The following FBLN2 variants were observed in gnomAD, a reference collection of about 807,000 sequenced individuals.
The protein encoded by FBLN2 is fibulin 2.
A neutral mutation model predicts 123.7 loss-of-function variants in FBLN2; 81 were observed. That is an observed-to-expected ratio of 0.65 (90% CI 0.55 to 0.79). FBLN2 has a LOEUF of 0.79. Among genes scored for constraint, FBLN2 ranks in the 30% least tolerant of loss-of-function variants. The probability of loss-of-function intolerance (pLI) is 0.00; values close to 1 mark genes in which losing one functional copy is unlikely to be tolerated. For missense variants in FBLN2, 1,603 were observed against 1,681.3 expected, an observed-to-expected ratio of 0.95 and a Z score of 0.81; for synonymous variants, 699 against 701.4, an observed-to-expected ratio of 1.00 and a Z score of 0.05.
intron 5 of FBLN2, 44 bp from the exon 6 acceptor site, chr3:13,618,032 T>C (rs1227904600): frequency 6.3e-7 from 1 of 1,592,544 alleles, no homozygotes; most frequent in East Asian, 2.2e-5. Flanking sequence ...AGCCACCTAC[T>C]CTGACCAAGC....
intron 2 of FBLN2, among the ~76,000 whole-genome samples, chr3:13,576,338 C>T (rs989540631): frequency 2.0e-5 from 3 of 152,236 alleles, no homozygotes; most frequent in Non-Finnish European, 4.4e-5. Context: ...CTCTCTTCCT[C>T]ACAGCCCCCA....
At chr3:13,610,480 G>A (rs762161170) in intron 4 of FBLN2, among the ~76,000 whole-genome samples, 9 of 152,204 alleles carry the variant, frequency 5.9e-5, no homozygotes, top group Admixed American at 2.0e-4. Context: ...AGGCGAGGAC[G>A]TTGGGAAATG....
chr3:13,614,048 A>T lies in FBLN2; in HGVS notation c.1613A>T (p.Asn538Ile), dbSNP rs201093973. Residue 538 changes from asparagine (N) to isoleucine (I), a missense_variant, in exon 5 of 18, where the codon AAT (asparagine) becomes ATT (isoleucine). Coordinates refer to ENST00000404922, the MANE Select transcript of FBLN2 (RefSeq NM_001004019.2). Reference protein sequence around the residue: ...VRAEGQSCESNPNLGYPCNHV... With the variant: ...VRAEGQSCESIPNLGYPCNHV... ...GCCGAGGGCCAGTCGTGTGAGTCCA[A>T]TCCTAACCTGGGCTATCCCTGCAAT... The T allele has an allele frequency of 1.9e-6, 3 of 1,613,580 alleles. No homozygotes were observed. Among genetic ancestry groups the T allele is most frequent in the African/African-American group, 2.7e-5 (2 of 74,922 alleles).
At chr3:13,608,968 C>T (rs934449193) in intron 3 of FBLN2, among the ~76,000 whole-genome samples, 2 of 152,282 alleles carry the variant, frequency 1.3e-5, no homozygotes, top group Non-Finnish European at 2.9e-5. Flanking sequence ...GCATGCAGCA[C>T]TGGGACCCCT....
intron 11 of FBLN2, among the ~76,000 whole-genome samples, 194 bp from the exon 12 acceptor site, chr3:13,628,711 C>T (rs1706135523): frequency 6.6e-6 from 1 of 152,168 alleles, no homozygotes; most frequent in Non-Finnish European, 1.5e-5. Flanking sequence ...TAGGGCCAGC[C>T]ATCAGGTGCT....
intron 2 of FBLN2, among the ~76,000 whole-genome samples, chr3:13,607,810 A>G (rs1705257282): frequency 6.6e-6 from 1 of 152,044 alleles, no homozygotes; most frequent in East Asian, 1.9e-4. Context: ...CTGCTTTGAG[A>G]GTGGGGGCTG....
intron 4 of FBLN2, among the ~76,000 whole-genome samples, chr3:13,610,534 C>T (rs1013945118): frequency 1.4e-4 from 21 of 152,026 alleles, no homozygotes; most frequent in Admixed American, 9.2e-4. Context: ...GACAGGCCAC[C>T]GGGAGTCCTC....
chr3:13,554,507 C>T (rs902044123), intron 1 of FBLN2, among the ~76,000 whole-genome samples: 28 of 151,866 alleles, frequency 1.8e-4, no homozygotes, highest in African/African-American at 6.5e-4. Flanking sequence ...CATGCATGCG[C>T]GTGCCCACAC....
Position 13,621,782 on chromosome 3 carries a change from C to T in FBLN2, c.2163C>T (p.Asp721=), listed in dbSNP as rs771752765. 31 of 1,613,850 alleles carry T rather than the reference C, an allele frequency of 1.9e-5. No individual in the cohort carries two copies. Among genetic ancestry groups the T allele is most frequent in the African/African-American group, 1.1e-4 (8 of 74,928 alleles). ...TCCTGCGGCTGCCACTAGACCAAGACGAGTGCCTGATGGGTGCTCACGATT... is the reference window on the plus strand; with the variant it reads ...TCCTGCGGCTGCCACTAGACCAAGATGAGTGCCTGATGGGTGCTCACGATT... ...MADGVSCEDQ[D]ECLMGAHDCS... is the part of the protein sequence containing the mutation. Residue 721 remains aspartate, a synonymous_variant, in exon 9 of 18, where the codon GAC becomes GAT. Transcript: ENST00000404922.
intron 1 of FBLN2, among the ~76,000 whole-genome samples, chr3:13,549,581 C>T (rs1287083543): frequency 1.3e-5 from 2 of 150,734 alleles, no homozygotes; most frequent in Non-Finnish European, 1.5e-5. Flanking sequence ...CCCACCCCCA[C>T]CCCGACCGCA....
At chr3:13,631,304 C>T in intron 15 of FBLN2, 25 bp from the exon 16 acceptor site, 1 of 1,595,712 alleles carries the variant, frequency 6.3e-7, no homozygotes, top group East Asian at 2.3e-5. Context: ...CGAGGTTCAC[C>T]AGGGGCTGAA....
At chr3:13,596,627 CGTT>C (rs1704849019) in intron 2 of FBLN2, among the ~76,000 whole-genome samples, 1 of 152,164 alleles carries the variant, frequency 6.6e-6, no homozygotes, top group African/African-American at 2.4e-5. Context: ...ACATCCACCT[CGTT>C]GTGCAGCTGT....
At chr3:13,604,531 A>G (rs552413791) in intron 2 of FBLN2, among the ~76,000 whole-genome samples, 4 of 152,296 alleles carry the variant, frequency 2.6e-5, no homozygotes, top group African/African-American at 9.6e-5. Flanking sequence ...TTTGTCAAAG[A>G]TCAGATGGTT....
At chr3:13,621,998 C>A in intron 9 of FBLN2, 83 bp downstream of exon 9, 1 of 1,489,304 alleles carries the variant, frequency 6.7e-7, no homozygotes, top group South Asian at 1.2e-5. Flanking sequence ...TGGCCACATG[C>A]CAAAGGGCCT....
At chr3:13,551,768 T>C (rs1366985074) in intron 1 of FBLN2, among the ~76,000 whole-genome samples, 1 of 152,020 alleles carries the variant, frequency 6.6e-6, no homozygotes. Flanking sequence ...CCTCCATCTC[T>C]TGACCTCGTG....
At position 13,618,923 on chromosome 3, in the gene FBLN2, G is replaced by A. The variant is rs773247980; in HGVS notation, c.1959G>A (p.Pro653=). 8.7e-6 allele frequency: 14 copies of A among 1,612,988 alleles called. No individual in the cohort carries two copies. Among genetic ancestry groups the A allele is most frequent in the South Asian group, 4.4e-5 (4 of 90,846 alleles). The change falls in exon 7 of 18, where the codon CCG becomes CCA. Residue 653 remains proline, a synonymous_variant. Transcript: ENST00000404922. ...TCRPEGHPPQ[P]EAPQEPALKS... is the part of the protein sequence containing the mutation. ...TGACAGAGGGTCACCCTCCACAGCCGGAAGCCCCACAGGAGCCTGCACTGA... is the reference window on the plus strand; with the variant it reads ...TGACAGAGGGTCACCCTCCACAGCCAGAAGCCCCACAGGAGCCTGCACTGA...
At chr3:13,603,866 G>A (rs532888999) in intron 2 of FBLN2, among the ~76,000 whole-genome samples, 10 of 152,156 alleles carry the variant, frequency 6.6e-5, no homozygotes, top group African/African-American at 1.4e-4. Context: ...GTGTAAAAGC[G>A]TTCCTATTTC....
Position 13,549,164 on chromosome 3 carries a change from C to T in FBLN2, c.-86C>T, listed in dbSNP as rs1002294174. 3 of 982,804 alleles carry T rather than the reference C, an allele frequency of 3.1e-6. No homozygotes were observed. Among genetic ancestry groups the T allele is most frequent in the African/African-American group, 1.8e-5 (1 of 56,914 alleles). The allele number at this position is 982,804 out of a possible 1,614,324, so 60.9% of individuals were successfully genotyped here. ...GCCGCCCGGGCTCTCGACGCGCCGA[C>T]GGCCGGGCGGACGGACGGACGGACG... On this transcript the variant is annotated 5_prime_UTR_variant, in exon 1 of 18. The change creates a new upstream start codon in the 5' untranslated region. Coordinates refer to ENST00000404922, the MANE Select transcript of FBLN2 (RefSeq NM_001004019.2).
chr3:13,552,199 G>T (rs542715731), intron 1 of FBLN2, among the ~76,000 whole-genome samples: 59 of 129,314 alleles, frequency 4.6e-4, no homozygotes, highest in African/African-American at 1.6e-3. Flanking sequence ...ACTGCTGCTG[G>T]CAGGGAACAG....
Sources: gnomAD v4.1 joint callset for allele counts (sites outside exome capture counted in the v4.1 genomes callset) on GRCh38, gnomAD v4.1.1 for gene constraint, MANE v1.5 for transcripts, NCBI Gene and HGNC (gene_info 2026-07-23, HGNC 2026-07-21) for gene names.